Variants in PRELID2 observed in about 807,000 individuals in gnomAD.
PRELID2 encodes the protein PRELI domain containing 2, also known as PRELI domain-containing protein 2.
In PRELID2, 25 loss-of-function variants were observed where a neutral mutation model predicts 28.4. The ratio of observed to expected loss-of-function variants is 0.88; its 90% CI spans 0.64 to 1.23. PRELID2 has a LOEUF of 1.23. PRELID2 is among the 50% of genes most tolerant of loss of function. The pLI is 0.00. For synonymous variants in PRELID2, 76 were observed against 71.6 expected (o/e 1.06, Z -0.31); for missense variants, 201 against 214.4 (o/e 0.94, Z 0.39).
rs1165427182 is a variant in PRELID2 at position 145,763,309 on chromosome 5, C to G, written c.*10+1622G>C. Reference sequence around the variant, plus strand: ...CAGGGAGATGTGGCCAAGTTGTTCTCTATAATTTTTTAAGGAACAGGGTGG... The same window carrying G: ...CAGGGAGATGTGGCCAAGTTGTTCTGTATAATTTTTTAAGGAACAGGGTGG... On this transcript the variant is annotated intron_variant, in intron 6 of 6. Coordinates refer to ENST00000683046, the MANE Select transcript of PRELID2 (RefSeq NM_205846.3). Among the ~76,000 whole-genome samples the G allele has an allele frequency of 2.0e-5, 3 of 152,150 alleles. No individual in the cohort carries two copies. In the East Asian group the frequency reaches 5.8e-4, roughly 29 times the overall value.
the PRELID2 span, chr5:145,440,756 T>G: frequency 6.6e-6 from 1 of 152,196 alleles, no homozygotes; most frequent in South Asian, 2.1e-4. Context: ...TTCTTAATGA[T>G]CTATGGAAGA....
At chr5:145,790,169 C>G (rs1752272618) in intron 5 of PRELID2, among the ~76,000 whole-genome samples, 1 of 152,134 alleles carries the variant, frequency 6.6e-6, no homozygotes, top group East Asian at 1.9e-4. Flanking sequence ...AATTGGGAAT[C>G]AGTATGTCAA....
the PRELID2 span, among the ~76,000 whole-genome samples, chr5:145,416,052 T>C: frequency 1.1e-4 from 16 of 152,238 alleles, no homozygotes; most frequent in East Asian, 2.9e-3. Context: ...CATTTTTTCA[T>C]GTGTCTTTTG....
intron 1 of PRELID2, among the ~76,000 whole-genome samples, chr5:145,674,864 C>T (rs1754782549): frequency 2.0e-5 from 3 of 151,586 alleles, no homozygotes; most frequent in South Asian, 2.1e-4. Context: ...GAACCCAGGA[C>T]GTGGGGGTTT....
intron 1 of PRELID2, among the ~76,000 whole-genome samples, chr5:145,481,453 A>G (rs1752158259): frequency 6.6e-6 from 1 of 151,642 alleles, no homozygotes; most frequent in Admixed American, 6.6e-5. Flanking sequence ...AATTTTTTTC[A>G]TTTTGCCTGA....
the PRELID2 span, among the ~76,000 whole-genome samples, chr5:145,367,674 T>G: frequency 6.6e-6 from 1 of 151,962 alleles, no homozygotes; most frequent in African/African-American, 2.4e-5. Flanking sequence ...AGTTTTGCCT[T>G]TTCCATAACG....
At chr5:145,364,208 G>C in the PRELID2 span, among the ~76,000 whole-genome samples, 1 of 151,896 alleles carries the variant, frequency 6.6e-6, no homozygotes, top group African/African-American at 2.4e-5. Context: ...ACAGAGAGAA[G>C]TATTCTGTCG....
At chr5:145,269,715 T>C in the PRELID2 span, among the ~76,000 whole-genome samples, 1 of 150,518 alleles carries the variant, frequency 6.6e-6, no homozygotes, top group African/African-American at 2.4e-5. Flanking sequence ...ACAAACTATA[T>C]ATATATAGTT....
chr5:145,357,307 T>G, the PRELID2 span, among the ~76,000 whole-genome samples: 1 of 152,234 alleles, frequency 6.6e-6, no homozygotes, highest in Non-Finnish European at 1.5e-5. Flanking sequence ...AAGAAATCTT[T>G]GTGGAGGATA....
chr5:145,346,278 T>A, the PRELID2 span, among the ~76,000 whole-genome samples: 2 of 152,126 alleles, frequency 1.3e-5, no homozygotes, highest in East Asian at 3.8e-4. Context: ...TCAGAGGAAG[T>A]AAAGCTCACA....
At chr5:145,347,263 C>G in the PRELID2 span, among the ~76,000 whole-genome samples, 2 of 152,122 alleles carry the variant, frequency 1.3e-5, no homozygotes, top group Non-Finnish European at 2.9e-5. Flanking sequence ...CACTCCAATT[C>G]AGAAAGCTGA....
intron 1 of PRELID2, among the ~76,000 whole-genome samples, chr5:145,588,879 TA>T (rs10707481): frequency 0.085 from 11,931 of 140,836 alleles, 1,374 homozygotes; most frequent in African/African-American, 0.27. Flanking sequence ...TTTTTATTGG[TA>T]AAAAAAAAAA....
At chr5:145,715,959 C>A (rs776826351) in intron 1 of PRELID2, among the ~76,000 whole-genome samples, 4 of 152,124 alleles carry the variant, frequency 2.6e-5, no homozygotes, top group Non-Finnish European at 5.9e-5. Flanking sequence ...CTTGTCCAAC[C>A]CATGGCCCTC....
chr5:145,475,063 T>G (rs1752087941), intron 1 of PRELID2, among the ~76,000 whole-genome samples: 1 of 152,198 alleles, frequency 6.6e-6, no homozygotes, highest in Non-Finnish European at 1.5e-5. Context: ...GACACACAGA[T>G]AAGTAGAATC....
At chr5:145,231,498 CT>C in the PRELID2 span, among the ~76,000 whole-genome samples, 1 of 152,116 alleles carries the variant, frequency 6.6e-6, no homozygotes, top group Admixed American at 6.6e-5. Context: ...ATTTTTAAGG[CT>C]TTATAAAGTG....
chr5:145,779,263 T>TA (rs1282419403), intron 5 of PRELID2, among the ~76,000 whole-genome samples: 1 of 152,102 alleles, frequency 6.6e-6, no homozygotes, highest in Non-Finnish European at 1.5e-5. Context: ...GTGACAGAGA[T>TA]AAAAAACATA....
chr5:145,537,219 A>G (rs927409347), intron 1 of PRELID2, among the ~76,000 whole-genome samples: 3 of 151,924 alleles, frequency 2.0e-5, no homozygotes, highest in African/African-American at 7.2e-5. Flanking sequence ...AAGGACCCCA[A>G]GTACCTTGTG....
the PRELID2 span, among the ~76,000 whole-genome samples, chr5:145,349,795 G>A: frequency 1.1e-4 from 16 of 151,882 alleles, no homozygotes; most frequent in Admixed American, 9.8e-4. Flanking sequence ...GAAATCACAG[G>A]GCCATTAATG....
At chr5:145,730,054 G>C (rs1756294049) in intron 1 of PRELID2, among the ~76,000 whole-genome samples, 1 of 152,098 alleles carries the variant, frequency 6.6e-6, no homozygotes, top group African/African-American at 2.4e-5. Context: ...TAGAAGCAAG[G>C]AGCCAGCAAG....
Sources: allele counts gnomAD v4.1 joint callset (sites outside exome capture counted in the v4.1 genomes callset), GRCh38; gene constraint gnomAD v4.1.1; transcripts MANE v1.5; gene names NCBI Gene and HGNC (gene_info 2026-07-23, HGNC 2026-07-21).